Variants in ADGRL3 observed in about 807,000 individuals in gnomAD.
The protein encoded by ADGRL3 is calcium-independent alpha-latrotoxin receptor 3.
A neutral mutation model predicts 153.5 loss-of-function variants in ADGRL3; 62 were observed. The ratio of observed to expected loss-of-function variants is 0.40; its 90% CI spans 0.33 to 0.50. The LOEUF (loss-of-function observed/expected upper bound fraction) is 0.50, where lower values mean the gene tolerates loss of function less well. Ranked by LOEUF, ADGRL3 falls within the 20% of genes least tolerant of loss-of-function variation. The pLI is 0.47. For synonymous variants in ADGRL3, 710 were observed against 672.5 expected (o/e 1.06, Z -0.86); for missense variants, 1,641 against 1,859.4 (o/e 0.88, Z 2.16).
chr4:61,980,549 C>G (rs1234558093), intron 18 of ADGRL3, among the ~76,000 whole-genome samples: 1 of 151,982 alleles, frequency 6.6e-6, no homozygotes, highest in African/African-American at 2.4e-5. Flanking sequence ...AAGCGATCCT[C>G]CCACCACAGC....
At chr4:61,782,640 TG>T (rs1425093613) in intron 8 of ADGRL3, among the ~76,000 whole-genome samples, 2 of 152,144 alleles carry the variant, frequency 1.3e-5, no homozygotes, top group Non-Finnish European at 2.9e-5. Context: ...ATTTCACTGG[TG>T]TTTTTTCCCT....
chr4:61,381,746 A>AG (rs1186257868), intron 1 of ADGRL3, among the ~76,000 whole-genome samples: 2 of 152,048 alleles, frequency 1.3e-5, no homozygotes, highest in African/African-American at 4.8e-5. Flanking sequence ...TTCAAAAACC[A>AG]GGGAAAAAAG....
At chr4:61,806,561 T>C (rs1214411245) in intron 8 of ADGRL3, among the ~76,000 whole-genome samples, 1 of 152,110 alleles carries the variant, frequency 6.6e-6, no homozygotes, top group Non-Finnish European at 1.5e-5. Context: ...AAGTATTAAA[T>C]ACATTTTCAT....
In ADGRL3 at chr4:62,077,609, A is replaced by C. The variant is rs112737679; in HGVS notation, c.*6701A>C. ...GGTTGGAACTCAGGATACAGTGACT[A>C]GGACAGAGTGCATTCTTAGGCTAAT... On this transcript the variant is annotated 3_prime_UTR_variant, in exon 27 of 27. Coordinates refer to ENST00000683033, the MANE Select transcript of ADGRL3 (RefSeq NM_001387552.1). 16 of 152,084 alleles carry C rather than the reference A, an allele frequency of 1.1e-4. No homozygotes were observed. Among genetic ancestry groups the C allele is most frequent in the African/African-American group, 3.4e-4 (14 of 41,562 alleles). 9.4% of individuals were successfully genotyped at this position (152,084 alleles called of 1,614,324 possible).
rs140425442 is a variant in ADGRL3 at position 61,322,028 on chromosome 4, G to T, written c.-239-61096G>T. 7.0e-3 allele frequency among the ~76,000 whole-genome samples: 1,068 copies of T among 152,220 alleles called. 21 individuals are homozygous for T. Among genetic ancestry groups the T allele is most frequent in the Non-Finnish European group, 6.9e-3 (466 of 68,002 alleles). ...ACCTGAGACTGGGCAATTTACAAAA[G>T]AAAAAGGTTTATTGGACTTACAGTT... On this transcript the variant is annotated intron_variant, in intron 1 of 26. Coordinates refer to ENST00000683033, the MANE Select transcript of ADGRL3 (RefSeq NM_001387552.1).
chr4:62,036,562 TG>T (rs774343386), intron 23 of ADGRL3, among the ~76,000 whole-genome samples: 4 of 152,168 alleles, frequency 2.6e-5, no homozygotes, highest in Admixed American at 6.6e-5. Context: ...TAAGATGAAA[TG>T]TTCCCATTTG....
chr4:61,261,758 T>C (rs1225669899), intron 1 of ADGRL3, among the ~76,000 whole-genome samples: 2 of 152,218 alleles, frequency 1.3e-5, no homozygotes, highest in Non-Finnish European at 2.9e-5. Flanking sequence ...CAAGGACATC[T>C]AAACCAGCCA....
intron 5 of ADGRL3, among the ~76,000 whole-genome samples, chr4:61,603,072 A>G (rs1460599704): frequency 6.6e-6 from 1 of 152,162 alleles, no homozygotes; most frequent in Non-Finnish European, 1.5e-5. Context: ...GTAGATTTTT[A>G]CAGAAGGGGG....
rs917637961 is a variant in ADGRL3, at chr4:61,654,971, G to A, written c.474-21855G>A. Among the ~76,000 whole-genome samples the A allele has an allele frequency of 1.5e-3, 225 of 152,196 alleles. 2 individuals are homozygous for A. Among genetic ancestry groups the A allele is most frequent in the Non-Finnish European group, 2.1e-4 (14 of 68,002 alleles). On this transcript the variant is annotated intron_variant, in intron 5 of 26. Transcript: ENST00000683033. ...TACGTAAGTCTATAGAAAGAAATGAGGATGAAACAGTGTTTTGAGGAAATA... is the reference window on the plus strand; with the variant it reads ...TACGTAAGTCTATAGAAAGAAATGAAGATGAAACAGTGTTTTGAGGAAATA...
intron 5 of ADGRL3, among the ~76,000 whole-genome samples, chr4:61,655,614 G>A (rs1561010476): frequency 3.3e-5 from 5 of 152,076 alleles, no homozygotes; most frequent in Admixed American, 6.6e-5. Context: ...TTAGCATTTT[G>A]GCTCAAAGCT....
chr4:61,566,093 A>C (rs559663023), intron 4 of ADGRL3, among the ~76,000 whole-genome samples: 10 of 152,194 alleles, frequency 6.6e-5, no homozygotes, highest in Non-Finnish European at 1.5e-4. Flanking sequence ...TGCTAGAGCC[A>C]CCTTAACAAA....
At chr4:61,759,367 A>T (rs1267970596) in intron 8 of ADGRL3, among the ~76,000 whole-genome samples, 1 of 151,680 alleles carries the variant, frequency 6.6e-6, no homozygotes, top group East Asian at 1.9e-4. Context: ...GGCTTTGTTC[A>T]TTTCTTTTTA....
rs140952660 is a variant in ADGRL3 at position 61,399,084 on chromosome 4, T to C, written c.-174+15895T>C. On this transcript the variant is annotated intron_variant, in intron 2 of 26. Transcript: ENST00000683033. ...CCATTTATAGGACAGGACAATCCTT[T>C]ACTTGTAAGTAGAAAGCATATGGAA... Among the ~76,000 whole-genome samples the C allele has an allele frequency of 5.3e-5, 8 of 151,870 alleles. No homozygotes were observed. The East Asian group carries it at 1.5e-3, about 29-fold the overall frequency.
chr4:61,380,250 T>C (rs2096651619), intron 1 of ADGRL3, among the ~76,000 whole-genome samples: 1 of 151,912 alleles, frequency 6.6e-6, no homozygotes, highest in Non-Finnish European at 1.5e-5. Flanking sequence ...TTCTTTCACT[T>C]ACTGCTCCAC....
At chr4:61,225,955 G>A (rs1394492663) in intron 1 of ADGRL3, among the ~76,000 whole-genome samples, 3 of 151,818 alleles carry the variant, frequency 2.0e-5, no homozygotes, top group Non-Finnish European at 4.4e-5. Context: ...CTACCTTCTT[G>A]TTCTCTGAAT....
intron 2 of ADGRL3, among the ~76,000 whole-genome samples, chr4:61,383,806 T>C (rs1445140095): frequency 1.3e-5 from 2 of 151,812 alleles, no homozygotes; most frequent in Admixed American, 6.6e-5. Flanking sequence ...TCAATATCCA[T>C]ATTTACATCT....
intron 4 of ADGRL3, among the ~76,000 whole-genome samples, chr4:61,527,951 C>T (rs926841532): frequency 6.6e-6 from 1 of 152,132 alleles, no homozygotes; most frequent in Non-Finnish European, 1.5e-5. Context: ...CGTTCTCTCA[C>T]CACCATGCCC....
At chr4:62,018,704 T>C (rs2099224511) in intron 21 of ADGRL3, among the ~76,000 whole-genome samples, 1 of 152,140 alleles carries the variant, frequency 6.6e-6, no homozygotes, top group African/African-American at 2.4e-5. Flanking sequence ...TAGTGTGACC[T>C]CATTGCCCCA....
rs1436030594 is a variant in ADGRL3, at chr4:62,076,213, A to G, written c.*5305A>G. On this transcript the variant is annotated 3_prime_UTR_variant, in exon 27 of 27. Coordinates refer to ENST00000683033, the MANE Select transcript of ADGRL3 (RefSeq NM_001387552.1). ...ACTTCTTTCACATCTAGCACCTATA[A>G]GTTACTATTCAAATGTCTTGATTTC... 6.6e-6 allele frequency: 1 copy of G among 152,062 alleles called. No individual in the cohort carries two copies. The highest frequency in any genetic ancestry group is 1.5e-5 in the Non-Finnish European group (1 of 67,936). 9.4% of individuals were successfully genotyped at this position (152,062 alleles called of 1,614,324 possible).
Sources: gnomAD v4.1 joint callset for allele counts (sites outside exome capture counted in the v4.1 genomes callset) on GRCh38, gnomAD v4.1.1 for gene constraint, MANE v1.5 for transcripts, NCBI Gene and HGNC (gene_info 2026-07-23, HGNC 2026-07-21) for gene names.